The following GIPC1 variants were observed in gnomAD, a reference collection of about 807,000 sequenced individuals.
GIPC1 encodes the protein PDZ domain-containing protein GIPC1.
Under a neutral mutation model 28.5 loss-of-function variants are expected in GIPC1, and 15 were observed. The ratio of observed to expected loss-of-function variants is 0.53; its 90% CI spans 0.35 to 0.81. The LOEUF is 0.81. Among genes scored for constraint, GIPC1 ranks in the 30% least tolerant of loss-of-function variants. GIPC1 has a pLI of 0.01. For missense variants in GIPC1, 439 were observed against 481.9 expected (o/e 0.91, Z 0.83); for synonymous variants, 224 against 206.1 (o/e 1.09, Z -0.74).
intron 6 of GIPC1, chr19:14,479,763 AG>A: frequency 2.4e-6 from 1 of 421,104 alleles, no homozygotes. Context: ...GCTGGAGGGG[AG>A]ACTGGAGGGG....
intron 1 of GIPC1, among the ~76,000 whole-genome samples, chr19:14,495,375 T>C (rs538183793): frequency 1.3e-5 from 2 of 152,162 alleles, no homozygotes; most frequent in African/African-American, 4.8e-5. Flanking sequence ...CGTGGAGTTA[T>C]TGGTATCCAG....
At chr19:14,485,738 G>GACAGAGAGAGACAGAC (rs1312985129) in intron 3 of GIPC1, among the ~76,000 whole-genome samples, 11 of 141,660 alleles carry the variant, frequency 7.8e-5, no homozygotes, top group African/African-American at 2.9e-4. Flanking sequence ...GAGAGAGAGA[G>GACAGAGAGAGACAGAC]AGACAGAGAG....
chr19:14,488,674 G>A (rs1364632085), intron 3 of GIPC1, among the ~76,000 whole-genome samples: 1 of 151,366 alleles, frequency 6.6e-6, no homozygotes, highest in Non-Finnish European at 1.5e-5. Context: ...GCGTAGTGGT[G>A]CATGCTTGTA....
At chr19:14,494,999 G>C (rs762747186) in intron 1 of GIPC1, among the ~76,000 whole-genome samples, 2 of 152,186 alleles carry the variant, frequency 1.3e-5, no homozygotes, top group African/African-American at 2.4e-5. Context: ...CCACGCCCAG[G>C]CTCCCCGTTC....
chr19:14,483,045 G>A (rs1165373226), intron 3 of GIPC1, 39 bp from the exon 4 acceptor site: 1 of 1,420,394 alleles, frequency 7.0e-7, no homozygotes, highest in African/African-American at 1.4e-5. Context: ...CTGGGCAGAG[G>A]CCTTGGGTGC....
intron 3 of GIPC1, among the ~76,000 whole-genome samples, chr19:14,485,358 T>A (rs2071811737): frequency 6.6e-6 from 1 of 151,246 alleles, no homozygotes; most frequent in South Asian, 2.1e-4. Flanking sequence ...ATTTTTTTTT[T>A]AAATTTTATT....
At chr19:14,493,605 G>A (rs760203745) in intron 1 of GIPC1, among the ~76,000 whole-genome samples, 2 of 151,582 alleles carry the variant, frequency 1.3e-5, no homozygotes, top group Non-Finnish European at 2.9e-5. Context: ...TTACAGGCAC[G>A]CACCACCACA....
At chr19:14,484,595 A>C (rs542742099) in intron 3 of GIPC1, among the ~76,000 whole-genome samples, 15 of 151,322 alleles carry the variant, frequency 9.9e-5, no homozygotes, top group African/African-American at 3.1e-4. Flanking sequence ...AAAACACAAA[A>C]ATTAGCCGGG....
intron 3 of GIPC1, among the ~76,000 whole-genome samples, chr19:14,486,087 T>C (rs2071838233): frequency 6.6e-6 from 1 of 152,110 alleles, no homozygotes; most frequent in South Asian, 2.1e-4. Flanking sequence ...GATCTTTCTC[T>C]GTTGCCCAGG....
At position 14,490,872 on chromosome 19, in the gene GIPC1, G is replaced by A. The variant is rs1013295333; in HGVS notation, c.-31+784C>T. On this transcript the variant is annotated intron_variant, in intron 3 of 8. Coordinates refer to ENST00000393033, the MANE Select transcript of GIPC1 (RefSeq NM_005716.4). ...CACCTGTAGTCCCAGCTACTCGGGA[G>A]GCTGAGGCAGGAGAATGGCGTGAAC... Among the ~76,000 whole-genome samples, 236 of 151,516 alleles carry A rather than the reference G, an allele frequency of 1.6e-3. 3 individuals are homozygous for A. The highest frequency in any genetic ancestry group is 1.3e-3 in the Non-Finnish European group (86 of 67,914).
chr19:14,479,362 A>AG, intron 7 of GIPC1, 50 bp downstream of exon 7: 1 of 822,718 alleles, frequency 1.2e-6, no homozygotes, highest in Non-Finnish European at 1.8e-6. Flanking sequence ...CAAAAAAAAA[A>AG]AAAAGAAAGG....
At chr19:14,494,821 T>C (rs1224477246) in intron 1 of GIPC1, among the ~76,000 whole-genome samples, 1 of 152,096 alleles carries the variant, frequency 6.6e-6, no homozygotes, top group East Asian at 1.9e-4. Context: ...GAAGAGCCAC[T>C]TCAGCCCGGA....
intron 3 of GIPC1, among the ~76,000 whole-genome samples, chr19:14,486,157 G>C (rs1178482104): frequency 6.6e-6 from 1 of 152,148 alleles, no homozygotes; most frequent in African/African-American, 2.4e-5. Context: ...GGCATGACAG[G>C]TATGGGCCAC....
chr19:14,490,686 A>G (rs927257324), intron 3 of GIPC1, among the ~76,000 whole-genome samples: 1 of 147,208 alleles, frequency 6.8e-6, no homozygotes, highest in Non-Finnish European at 1.5e-5. Flanking sequence ...TCAAAAAGAA[A>G]AAAAAGGCCA....
chr19:14,479,553 G>C, intron 6 of GIPC1, 29 bp from the exon 7 acceptor site: 2 of 1,227,548 alleles, frequency 1.6e-6, no homozygotes, highest in Non-Finnish European at 1.1e-6. Context: ...GAGTGAGTGT[G>C]GGGGAAGCTT....
chr19:14,482,763 G>A lies in GIPC1; in HGVS notation c.214C>T (p.Arg72Cys), dbSNP rs773985369. ...TQLAHGSPTGRIEGFTNVKEL... is the reference protein window; with the variant it reads ...TQLAHGSPTGCIEGFTNVKEL... ...TTGACGTTGGTGAAGCCCTCGATGC[G>A]GCCAGTGGGACTGCCATGGGCCAGC... The change falls in exon 4 of 9, where the codon CGC (arginine) becomes TGC (cysteine). Residue 72 changes from arginine to cysteine, a missense_variant. Coordinates refer to ENST00000393033, the MANE Select transcript of GIPC1 (RefSeq NM_005716.4). The A allele has an allele frequency of 2.4e-5, 39 of 1,610,914 alleles. No individual in the cohort carries two copies. Among genetic ancestry groups the A allele is most frequent in the South Asian group, 7.7e-5 (7 of 90,868 alleles).
intron 6 of GIPC1, 52 bp downstream of exon 6, chr19:14,480,253 C>T (rs1276497139): frequency 6.6e-7 from 1 of 1,512,710 alleles, no homozygotes; most frequent in Non-Finnish European, 9.1e-7. Flanking sequence ...GCACCACCGC[C>T]TGCGCCCATG....
Position 14,482,890 on chromosome 19 carries a change from C to G in GIPC1, c.87G>C (p.Val29=), listed in dbSNP as rs753944201. The G allele has an allele frequency of 1.9e-6, 3 of 1,592,802 alleles. No homozygotes were observed. Among genetic ancestry groups the G allele is most frequent in the African/African-American group, 1.3e-5 (1 of 74,552 alleles). Residue 29 remains valine (V), a synonymous_variant, in exon 4 of 9, where the codon GTG becomes GTC. Transcript: ENST00000393033. ...EAEPGRGGLG[V]GEPGPLGGGG... ...CTCCGCCCAGAGGCCCTGGCTCCCC[C>G]ACGCCCAGCCCTCCACGGCCTGGCT...
rs368390550 is a variant in GIPC1, at chr19:14,494,893, AC to A, written c.-175+1143del. On this transcript the variant is annotated intron_variant, in intron 1 of 8. Coordinates refer to ENST00000393033, the MANE Select transcript of GIPC1 (RefSeq NM_005716.4). ...CCCCTCATCCTGGGAAGGGCCTGAAACTTAGCAACCCCACGGCCACACAGAA... is the reference window on the plus strand; with the variant it reads ...CCCCTCATCCTGGGAAGGGCCTGAAATTAGCAACCCCACGGCCACACAGAA... Among the ~76,000 whole-genome samples, 924 of 152,212 alleles carry A rather than the reference AC, an allele frequency of 6.1e-3. 10 individuals carry two copies. The highest frequency in any genetic ancestry group is 0.021 in the African/African-American group (871 of 41,534).
Sources: gnomAD v4.1 joint callset for allele counts (sites outside exome capture counted in the v4.1 genomes callset) on GRCh38, gnomAD v4.1.1 for gene constraint, MANE v1.5 for transcripts, NCBI Gene and HGNC (gene_info 2026-07-23, HGNC 2026-07-21) for gene names.